PARD3: variants seen among roughly 807,000 people sequenced by gnomAD.
PARD3 encodes partitioning defective 3 homolog.
A neutral mutation model predicts 155.4 loss-of-function variants in PARD3; 75 were observed. The ratio of observed to expected loss-of-function variants is 0.48; its 90% CI spans 0.40 to 0.58. The LOEUF is 0.58. Ranked by LOEUF, PARD3 falls within the 20% of genes least tolerant of loss-of-function variation. The pLI is 0.00. For missense variants in PARD3, 1,642 were observed against 1,721.7 expected, an observed-to-expected ratio of 0.95 and a Z score of 0.82; for synonymous variants, 576 against 610.5, an observed-to-expected ratio of 0.94 and a Z score of 0.83.
chr10:34,171,967 A>G (rs1949817476), intron 22 of PARD3, among the ~76,000 whole-genome samples: 1 of 149,760 alleles, frequency 6.7e-6, no homozygotes, highest in African/African-American at 2.5e-5. Context: ...AAAAAAAAAA[A>G]AAAAAAAAAA....
chr10:34,303,622 G>A (rs187391352), intron 20 of PARD3, among the ~76,000 whole-genome samples: 87 of 148,720 alleles, frequency 5.8e-4, no homozygotes, highest in Non-Finnish European at 1.0e-3. Context: ...TCGATAAGAT[G>A]TTTTTTTTTT....
At chr10:34,402,556 T>C (rs1325659193) in intron 5 of PARD3, among the ~76,000 whole-genome samples, 1 of 152,196 alleles carries the variant, frequency 6.6e-6, no homozygotes, top group Non-Finnish European at 1.5e-5. Flanking sequence ...GTCTTAGCCA[T>C]AATGGACCAC....
At chr10:34,604,889 A>T (rs1366900531) in intron 2 of PARD3, among the ~76,000 whole-genome samples, 7 of 151,870 alleles carry the variant, frequency 4.6e-5, no homozygotes, top group Admixed American at 4.6e-4. Context: ...ATATAAGTTT[A>T]CATTTTTCAC....
At chr10:34,294,417 G>C (rs964144863) in intron 20 of PARD3, among the ~76,000 whole-genome samples, 1 of 152,328 alleles carries the variant, frequency 6.6e-6, no homozygotes, top group East Asian at 1.9e-4. Context: ...AAAGTTTTGG[G>C]ATTGGTGGTG....
chr10:34,590,224 G>A lies in PARD3; in HGVS notation c.223-73065C>T, dbSNP rs139411914. Among the ~76,000 whole-genome samples the A allele has an allele frequency of 2.1e-3, 326 of 152,236 alleles. 3 individuals are homozygous for A. Among genetic ancestry groups the A allele is most frequent in the Non-Finnish European group, 3.9e-3 (268 of 68,018 alleles). On this transcript the variant is annotated intron_variant, in intron 2 of 24. Transcript: ENST00000374788. ...TAATTTAAAATTAGTGCTAAAGGAG[G>A]GGCAGGACTCACAACGTCCCCCTGA...
chr10:34,130,172 A>G (rs1947531070), intron 23 of PARD3, among the ~76,000 whole-genome samples: 1 of 152,098 alleles, frequency 6.6e-6, no homozygotes, highest in African/African-American at 2.4e-5. Context: ...AAGATCCTAG[A>G]GTCCAAAAAA....
chr10:34,301,816 T>TTC (rs1182798887), intron 20 of PARD3, among the ~76,000 whole-genome samples: 62 of 56,182 alleles, frequency 1.1e-3, no homozygotes, highest in African/African-American at 3.3e-3. Context: ...TCTTTCTCCT[T>TTC]TCTTTTTTTT....
chr10:34,282,221 G>A (rs1338030311), intron 21 of PARD3, among the ~76,000 whole-genome samples: 3 of 151,746 alleles, frequency 2.0e-5, no homozygotes, highest in Non-Finnish European at 4.4e-5. Flanking sequence ...GAAATACAAA[G>A]TCAAAGTATA....
chr10:34,757,838 A>G (rs1836948227), intron 1 of PARD3, among the ~76,000 whole-genome samples: 1 of 152,234 alleles, frequency 6.6e-6, no homozygotes, highest in Non-Finnish European at 1.5e-5. Flanking sequence ...CGCTGGTCAT[A>G]AAATTCAGAG....
chr10:34,297,073 C>G (rs1397560863), intron 20 of PARD3, among the ~76,000 whole-genome samples: 1 of 152,154 alleles, frequency 6.6e-6, no homozygotes, highest in African/African-American at 2.4e-5. Context: ...GGAATTCCAG[C>G]ACTTAGGACT....
rs1221877652 is a variant in PARD3 at position 34,336,184 on chromosome 10, A to C, written c.2605+15T>G. 6.2e-7 allele frequency: 1 copy of C among 1,604,650 alleles called. No individual in the cohort carries two copies. Among genetic ancestry groups the C allele is most frequent in the African/African-American group, 1.3e-5 (1 of 74,692 alleles). ...CCATCGTTTCTATGGCAACAGTCTAACTGTCCATTCTTACCTGCTTTCTGG... is the reference window on the plus strand; with the variant it reads ...CCATCGTTTCTATGGCAACAGTCTACCTGTCCATTCTTACCTGCTTTCTGG... On this transcript the variant is annotated intron_variant, in intron 18 of 24. Transcript: ENST00000374788.
At chr10:34,255,547 T>A (rs1954612077) in intron 22 of PARD3, among the ~76,000 whole-genome samples, 1 of 152,200 alleles carries the variant, frequency 6.6e-6, no homozygotes, top group Admixed American at 6.5e-5. Context: ...AATGACCTGT[T>A]AAGTAATCAA....
intron 2 of PARD3, among the ~76,000 whole-genome samples, chr10:34,652,828 AAGAAGGAGCTTACATAT>A (rs1464089343): frequency 2.6e-5 from 4 of 152,234 alleles, no homozygotes. Context: ...CTTTAGTTAT[AAGAAGGAGCTTACATAT>A]AAAGTTAACA....
chr10:34,662,146 G>A (rs762468690), intron 2 of PARD3, among the ~76,000 whole-genome samples: 6 of 152,074 alleles, frequency 3.9e-5, no homozygotes, highest in Non-Finnish European at 8.8e-5. Flanking sequence ...TTCTCAAAAT[G>A]TTCCCTTTCC....
chr10:34,361,338 T>TTA (rs1466648902), intron 12 of PARD3, among the ~76,000 whole-genome samples: 1 of 152,220 alleles, frequency 6.6e-6, no homozygotes, highest in Non-Finnish European at 1.5e-5. Context: ...CAGCATCTGT[T>TTA]TAGTCATTCA....
At chr10:34,382,125 C>G (rs1345286223) in intron 9 of PARD3, among the ~76,000 whole-genome samples, 1 of 152,056 alleles carries the variant, frequency 6.6e-6, no homozygotes, top group Non-Finnish European at 1.5e-5. Context: ...TGCACTACCT[C>G]TAAAGTCCTC....
chr10:34,435,794 T>C (rs1045927856), intron 5 of PARD3, among the ~76,000 whole-genome samples: 1 of 152,206 alleles, frequency 6.6e-6, no homozygotes, highest in Non-Finnish European at 1.5e-5. Flanking sequence ...CTTTGGGATA[T>C]ACTAAGGGAA....
chr10:34,270,408 G>T (rs1363985713), intron 21 of PARD3, among the ~76,000 whole-genome samples: 1 of 152,108 alleles, frequency 6.6e-6, no homozygotes, highest in Non-Finnish European at 1.5e-5. Flanking sequence ...CTCCCAAAGT[G>T]CTGGGATTAC....
At position 34,389,284 on chromosome 10, in the gene PARD3, A is replaced by G. The variant is rs1323651509; in HGVS notation, c.891-5030T>C. ...AAAAAAAGACAAGCTAGGGTACAGT[A>G]GCACAAAGCGAGCCATTGAAATGCT... On this transcript the variant is annotated intron_variant, in intron 7 of 24. Coordinates refer to ENST00000374788, the MANE Select transcript of PARD3 (RefSeq NM_001184785.2). Among the ~76,000 whole-genome samples, 4 of 146,674 alleles carry G rather than the reference A, an allele frequency of 2.7e-5. No homozygotes were observed. The East Asian group carries it at 7.9e-4, about 29-fold the overall frequency.
Sources: gnomAD v4.1 joint callset for allele counts (sites outside exome capture counted in the v4.1 genomes callset) on GRCh38, gnomAD v4.1.1 for gene constraint, MANE v1.5 for transcripts, NCBI Gene and HGNC (gene_info 2026-07-23, HGNC 2026-07-21) for gene names.